The following SH2D1A variants were observed in gnomAD, a reference collection of about 807,000 sequenced individuals.
SH2D1A encodes the protein SH2 domain containing 1A.
In SH2D1A, 6 loss-of-function variants were observed where a neutral mutation model predicts 10.1. The observed-to-expected ratio is 0.60, with a 90% CI of 0.33 to 1.18. SH2D1A has a LOEUF of 1.18. SH2D1A is among the 50% of genes most tolerant of loss of function. The pLI is 0.04. For synonymous variants in SH2D1A, 42 were observed against 36.9 expected (o/e 1.14, Z -0.51); for missense variants, 51 against 97.6 (o/e 0.52, Z 2.01).
chrX:124,367,632 A>C (rs1363110784), intron 2 of SH2D1A: 2 of 112,229 alleles, frequency 1.8e-5, no homozygotes, highest in Admixed American at 1.9e-4. Flanking sequence ...GCATGCCACC[A>C]TCTGTGCATA....
chrX:124,365,582 T>C (rs1433277500), intron 1 of SH2D1A, among the ~76,000 whole-genome samples, 179 bp from the exon 2 acceptor site: 1 of 111,455 alleles, frequency 9.0e-6, no homozygotes, highest in Non-Finnish European at 1.9e-5. Flanking sequence ...GAAACTGTGG[T>C]TGGGCAGATA....
At chrX:124,350,375 A>G (rs1211444014) in intron 1 of SH2D1A, among the ~76,000 whole-genome samples, 1 of 27,163 alleles carries the variant, frequency 3.7e-5, no homozygotes, top group Non-Finnish European at 5.7e-5. Flanking sequence ...TATATAATAT[A>G]TAATATATAA....
chrX:124,348,878 A>ACTCT (rs1225647675), intron 1 of SH2D1A, among the ~76,000 whole-genome samples: 1 of 111,685 alleles, frequency 9.0e-6, no homozygotes, highest in Non-Finnish European at 1.9e-5. Flanking sequence ...TAGGGTATGG[A>ACTCT]CTCTGGGAAA....
At chrX:124,361,836 GA>G (rs1487694418) in intron 1 of SH2D1A, among the ~76,000 whole-genome samples, 1 of 111,907 alleles carries the variant, frequency 8.9e-6, no homozygotes, top group Non-Finnish European at 1.9e-5. Context: ...CAAAAGGAGA[GA>G]GATGAATTGA....
intron 2 of SH2D1A, among the ~76,000 whole-genome samples, chrX:124,369,210 T>A (rs2060063473): frequency 9.0e-6 from 1 of 110,574 alleles, no homozygotes; most frequent in African/African-American, 3.3e-5. Context: ...ACCTCAAAAA[T>A]CTACCAGATG....
intron 1 of SH2D1A, among the ~76,000 whole-genome samples, chrX:124,353,483 AG>A (rs1475135101): frequency 1.8e-5 from 2 of 110,027 alleles, no homozygotes; most frequent in African/African-American, 6.6e-5. Context: ...TAATGCAGAT[AG>A]TTTTTTTTTT....
intron 1 of SH2D1A, among the ~76,000 whole-genome samples, chrX:124,358,898 T>C: frequency 8.9e-6 from 1 of 112,136 alleles, no homozygotes; most frequent in Non-Finnish European, 1.9e-5. Flanking sequence ...GTGATGTTGA[T>C]GCTGTTGTCC....
intron 1 of SH2D1A, among the ~76,000 whole-genome samples, chrX:124,350,083 C>T (rs777914256): frequency 1.5e-3 from 132 of 88,795 alleles, no homozygotes; most frequent in Middle Eastern, 0.011. Flanking sequence ...TTACGAGTGA[C>T]GTATTTGACT....
intron 2 of SH2D1A, among the ~76,000 whole-genome samples, chrX:124,368,841 T>C (rs2060062396): frequency 8.9e-6 from 1 of 112,090 alleles, no homozygotes; most frequent in African/African-American, 3.2e-5. Flanking sequence ...GCATTTGCAA[T>C]TTGGAGACTC....
intron 1 of SH2D1A, among the ~76,000 whole-genome samples, chrX:124,362,425 T>A (rs1257075411): frequency 8.9e-6 from 1 of 112,183 alleles, no homozygotes; most frequent in Non-Finnish European, 1.9e-5. Context: ...CCTTGCTAGG[T>A]TTTGGACTTG....
At chrX:124,366,018 T>C (rs1206402281) in intron 2 of SH2D1A, among the ~76,000 whole-genome samples, 194 bp downstream of exon 2, 1 of 111,697 alleles carries the variant, frequency 9.0e-6, no homozygotes, top group Admixed American at 9.5e-5. Flanking sequence ...TTAGCCATCA[T>C]TTTGCAGAGT....
chrX:124,371,321 T>C, intron 3 of SH2D1A, 30 bp from the exon 4 acceptor site: 1 of 1,041,294 alleles, frequency 9.6e-7, no homozygotes, highest in Non-Finnish European at 1.3e-6. Flanking sequence ...GTAAGTTTAT[T>C]TTTTCTTGAT....
intron 1 of SH2D1A, among the ~76,000 whole-genome samples, chrX:124,351,069 T>TTATATATATTATTATAAATATATATTTA (rs1569527288): frequency 1.1e-5 from 1 of 92,705 alleles, no homozygotes; most frequent in African/African-American, 3.9e-5. Context: ...ATATATATTT[T>TTATATATATTATTATAAATATATATTTA]TATATATATT....
intron 1 of SH2D1A, among the ~76,000 whole-genome samples, chrX:124,351,284 C>T (rs1390797317): frequency 1.9e-5 from 2 of 107,172 alleles, no homozygotes; most frequent in Admixed American, 2.1e-4. Context: ...AGTAAGTATA[C>T]CATATTTTGC....
At chrX:124,362,056 A>G (rs1158397157) in intron 1 of SH2D1A, among the ~76,000 whole-genome samples, 2 of 111,985 alleles carry the variant, frequency 1.8e-5, no homozygotes, top group East Asian at 2.8e-4. Flanking sequence ...CAGCAGAAAT[A>G]TTACCAGTTT....
chrX:124,356,461 T>G lies in SH2D1A; in HGVS notation c.138-9300T>G, dbSNP rs181873292. On this transcript the variant is annotated intron_variant, in intron 1 of 3. Transcript: ENST00000371139. ...TATTTGTTTATTTATTTATTTATAT[T>G]TTTTGAGACGGAGTCTCTCTCTGTC... Among the ~76,000 whole-genome samples the G allele has an allele frequency of 2.1e-4, 24 of 112,298 alleles. No individual in the cohort carries two copies. In the East Asian group the frequency reaches 6.4e-3, roughly 30 times the overall value.
At chrX:124,351,282 T>A (rs922260336) in intron 1 of SH2D1A, among the ~76,000 whole-genome samples, 4 of 107,645 alleles carry the variant, frequency 3.7e-5, no homozygotes, top group Non-Finnish European at 7.7e-5. Flanking sequence ...CTAGTAAGTA[T>A]ACCATATTTT....
At chrX:124,349,086 G>A (rs1185468235) in intron 1 of SH2D1A, among the ~76,000 whole-genome samples, 1 of 112,237 alleles carries the variant, frequency 8.9e-6, no homozygotes, top group East Asian at 2.8e-4. Context: ...TTAAGTTTTC[G>A]CCCAAAGTGA....
At chrX:124,365,884 G>T in intron 2 of SH2D1A, 60 bp downstream of exon 2, 5 of 734,517 alleles carry the variant, frequency 6.8e-6, no homozygotes, top group Non-Finnish European at 8.7e-6. Context: ...AATTTAGGCT[G>T]GTTTTATAAA....
Sources: allele counts gnomAD v4.1 joint callset (sites outside exome capture counted in the v4.1 genomes callset), GRCh38; gene constraint gnomAD v4.1.1; transcripts MANE v1.5; gene names NCBI Gene and HGNC (gene_info 2026-07-23, HGNC 2026-07-21).